The following NECAB2 variants were observed in gnomAD, a reference collection of about 807,000 sequenced individuals.
The protein encoded by NECAB2 is N-terminal EF-hand calcium-binding protein 2.
NECAB2 carries 68 observed loss-of-function variants against 51.9 expected under a neutral mutation model. That is an observed-to-expected ratio of 1.31 (90% CI 1.08 to 1.60). The LOEUF (loss-of-function observed/expected upper bound fraction) is 1.60, where lower values mean the gene tolerates loss of function less well. NECAB2 is among the 40% of genes most tolerant of loss of function. The pLI is 0.00. For missense variants in NECAB2, 854 were observed against 490.3 expected (o/e 1.74, Z -7.00); for synonymous variants, 329 against 203.5 (o/e 1.62, Z -5.25).
At chr16:83,991,957 A>G (rs1164647928) in intron 6 of NECAB2, among the ~76,000 whole-genome samples, 1 of 151,560 alleles carries the variant, frequency 6.6e-6, no homozygotes, top group Non-Finnish European at 1.5e-5. Context: ...ACCCCAGCCC[A>G]CTTTTGAAAA....
chr16:83,968,906 C>A, intron 1 of NECAB2, 57 bp downstream of exon 1: 1 of 1,040,718 alleles, frequency 9.6e-7, no homozygotes, highest in Non-Finnish European at 1.2e-6. Flanking sequence ...CCGGAGCCCC[C>A]TCCGCCCCTC....
At chr16:83,997,888 G>C (rs1004051935) in intron 9 of NECAB2, among the ~76,000 whole-genome samples, 18 of 152,154 alleles carry the variant, frequency 1.2e-4, no homozygotes, top group Non-Finnish European at 5.9e-5. Context: ...TCAACTATGA[G>C]TTTTTCTTGT....
chr16:83,990,682 A>ACGTGCC (rs771430482), intron 6 of NECAB2, 52 bp downstream of exon 6: 97 of 1,595,810 alleles, frequency 6.1e-5, no homozygotes, highest in Middle Eastern at 1.8e-4. Flanking sequence ...GTGCACGCGC[A>ACGTGCC]CGTGCCCACC....
rs558060723 is a variant in NECAB2, at chr16:84,000,837, C to T, written c.1040+36C>T. 8.6e-5 allele frequency: 120 copies of T among 1,398,156 alleles called. 2 individuals are homozygous for T. In the East Asian group the frequency reaches 8.8e-4, roughly 10 times the overall value. 86.6% of individuals were successfully genotyped at this position (1,398,156 alleles called of 1,614,324 possible). On this transcript the variant is annotated intron_variant, in intron 11 of 12. Coordinates refer to ENST00000305202, the MANE Select transcript of NECAB2 (RefSeq NM_019065.3). ...GGGTCCCCACAGCAGGTGAGGGAGACAGAGGGAAGTGGGGGGGCTGTCTTC... is the reference window on the plus strand; with the variant it reads ...GGGTCCCCACAGCAGGTGAGGGAGATAGAGGGAAGTGGGGGGGCTGTCTTC...
At chr16:83,999,214 G>C (rs186563407) in intron 10 of NECAB2, among the ~76,000 whole-genome samples, 1 of 152,154 alleles carries the variant, frequency 6.6e-6, no homozygotes, top group Admixed American at 6.5e-5. Context: ...GAGTGCGGCC[G>C]TTCCCGAGAC....
At chr16:84,001,429 A>G (rs369481353) in intron 11 of NECAB2, among the ~76,000 whole-genome samples, 14 of 152,258 alleles carry the variant, frequency 9.2e-5, no homozygotes, top group African/African-American at 3.4e-4. Context: ...AGGGGCGGTC[A>G]TGAGAAGTGA....
At chr16:83,978,340 C>G in intron 2 of NECAB2, 104 bp from the exon 3 acceptor site, 1 of 819,404 alleles carries the variant, frequency 1.2e-6, no homozygotes, top group Non-Finnish European at 2.0e-6. Flanking sequence ...TGCAGTTGTT[C>G]TGTCAGTCAG....
chr16:83,994,636 T>G lies in NECAB2; in HGVS notation c.743T>G (p.Leu248Arg), dbSNP rs756496796. ...SATEDAKEEG[L>R]EAQISRLAEL... Reference sequence around the variant, plus strand: ...ACGGAGGATGCAAAGGAAGAGGGTCTGGAAGCCCAGATCAGCCGCTTGGCA... The same window carrying G: ...ACGGAGGATGCAAAGGAAGAGGGTCGGGAAGCCCAGATCAGCCGCTTGGCA... The change falls in exon 8 of 13, where the codon CTG becomes CGG. Residue 248 changes from leucine to arginine, a missense_variant. Physicochemically the swap from Leu to Arg is moderately radical, Grantham distance 102. Transcript: ENST00000305202. The G allele has an allele frequency of 2.5e-4, 402 of 1,613,988 alleles. No individual in the cohort carries two copies. The highest frequency in any genetic ancestry group is 3.4e-4 in the Non-Finnish European group (396 of 1,180,042).
intron 5 of NECAB2, among the ~76,000 whole-genome samples, chr16:83,989,792 C>T (rs1029766183): frequency 6.6e-6 from 1 of 152,214 alleles, no homozygotes; most frequent in Non-Finnish European, 1.5e-5. Flanking sequence ...TTCTGTTCCA[C>T]ACCACAGAGC....
At chr16:83,976,932 TG>T (rs1214561295) in intron 2 of NECAB2, among the ~76,000 whole-genome samples, 1 of 152,220 alleles carries the variant, frequency 6.6e-6, no homozygotes, top group African/African-American at 2.4e-5. Flanking sequence ...AGTTTAAGAA[TG>T]ACTCATTCTC....
rs767734514 is a variant in NECAB2 at position 84,001,839 on chromosome 16, C to T, written c.1055C>T (p.Pro352Leu). The T allele has an allele frequency of 5.0e-6, 8 of 1,614,098 alleles. No homozygotes were observed. Among genetic ancestry groups the T allele is most frequent in the Non-Finnish European group, 5.9e-6 (7 of 1,179,962 alleles). Residue 352 changes from proline (P) to leucine (L), a missense_variant, in exon 12 of 13, where the codon CCC (proline) becomes CTC (leucine). Transcript: ENST00000305202. ...CTGCGTCACAGGCACCTGCAGAGCCCCCTGTGTAAGGCGTTCCGGCACGTC... is the reference window on the plus strand; with the variant it reads ...CTGCGTCACAGGCACCTGCAGAGCCTCCTGTGTAAGGCGTTCCGGCACGTC... Reference protein sequence around the residue: ...EEAWKRHLQSPLCKAFRHVKV... With the variant: ...EEAWKRHLQSLLCKAFRHVKV...
chr16:84,001,714 C>T lies in NECAB2; in HGVS notation c.1041-111C>T, dbSNP rs569849284. 2.5e-4 allele frequency: 282 copies of T among 1,140,958 alleles called. 1 individual carries two copies. The African/African-American group carries it at 3.1e-3, about 12-fold the overall frequency. The allele number at this position is 1,140,958 out of a possible 1,614,324, so 70.7% of individuals were successfully genotyped here. On this transcript the variant is annotated intron_variant, in intron 11 of 12. Transcript: ENST00000305202. ...AAAGGCTCTGAGTCCAAAGACCCCCCGTGCTTATTGATAAGCTCCCCATTT... is the reference window on the plus strand; with the variant it reads ...AAAGGCTCTGAGTCCAAAGACCCCCTGTGCTTATTGATAAGCTCCCCATTT...
chr16:84,000,868 G>A, intron 11 of NECAB2, 67 bp downstream of exon 11: 1 of 1,518,540 alleles, frequency 6.6e-7, no homozygotes, highest in Non-Finnish European at 9.1e-7. Flanking sequence ...TCTTCCTGGA[G>A]CCAGGCATCC....
intron 1 of NECAB2, among the ~76,000 whole-genome samples, chr16:83,971,217 C>G (rs2250823): frequency 0.13 from 20,192 of 152,168 alleles, 1,640 homozygotes; most frequent in African/African-American, 0.23. Context: ...TCCTGCAGGA[C>G]CCAAACAGCT....
At position 83,990,478 on chromosome 16, in the gene NECAB2, T is replaced by G; in HGVS notation, c.460-16T>G. The G allele has an allele frequency of 6.2e-7, 1 of 1,613,744 alleles. No homozygotes were observed. Among genetic ancestry groups the G allele is most frequent in the Non-Finnish European group, 8.5e-7 (1 of 1,179,738 alleles). On this transcript the variant is annotated splice_polypyrimidine_tract_variant and intron_variant, in intron 5 of 12. Transcript: ENST00000305202. ...CCACCCCTTTCCCCTCAGTGCCTCT[T>G]CTCTTCCTTCCACAGGTATATGAGG...
intron 8 of NECAB2, among the ~76,000 whole-genome samples, chr16:83,996,115 C>G (rs889301838): frequency 3.3e-5 from 5 of 152,204 alleles, no homozygotes; most frequent in African/African-American, 9.6e-5. Flanking sequence ...GGAGCTGCCT[C>G]TGGGCTGGAA....
intron 9 of NECAB2, 31 bp downstream of exon 9, chr16:83,997,300 C>G (rs200245744): frequency 6.2e-6 from 10 of 1,613,582 alleles, no homozygotes; most frequent in African/African-American, 4.0e-5. Context: ...TCTTCTGGGA[C>G]CACATCCCTA....
chr16:83,999,077 C>T (rs2084769041), intron 10 of NECAB2, among the ~76,000 whole-genome samples: 1 of 152,206 alleles, frequency 6.6e-6, no homozygotes, highest in African/African-American at 2.4e-5. Context: ...GGGGACATGG[C>T]TGTGAACCAG....
chr16:83,997,175 G>A lies in NECAB2; in HGVS notation c.796-41G>A, dbSNP rs1427786512. The A allele has an allele frequency of 3.7e-6, 6 of 1,613,456 alleles. No individual in the cohort carries two copies. The African/African-American group carries it at 6.7e-5, about 18-fold the overall frequency. On this transcript the variant is annotated intron_variant, in intron 8 of 12. Coordinates refer to ENST00000305202, the MANE Select transcript of NECAB2 (RefSeq NM_019065.3). Reference sequence around the variant, plus strand: ...GCTCCTGGCTCCCCGGGGCGGAGTGGGGCTCTGGGTCTAGCATCACTGTGT... The same window carrying A: ...GCTCCTGGCTCCCCGGGGCGGAGTGAGGCTCTGGGTCTAGCATCACTGTGT...
Sources: gnomAD v4.1 joint callset for allele counts (sites outside exome capture counted in the v4.1 genomes callset) on GRCh38, gnomAD v4.1.1 for gene constraint, MANE v1.5 for transcripts, NCBI Gene and HGNC (gene_info 2026-07-23, HGNC 2026-07-21) for gene names.